MUC12: variants seen among roughly 807,000 people sequenced by gnomAD.
MUC12 encodes the protein mucin-12.
A neutral mutation model predicts 230.8 loss-of-function variants in MUC12; 172 were observed. The ratio of observed to expected loss-of-function variants is 0.75; its 90% confidence interval spans 0.66 to 0.85. The LOEUF is 0.85. MUC12 is among the 40% of genes least tolerant of loss of function. The pLI, the probability that MUC12 is intolerant of heterozygous loss-of-function variation, is 0.00. For synonymous variants in MUC12, 1,259 were observed against 2,401.9 expected (o/e 0.52, Z 13.91); for missense variants, 3,506 against 5,920.6 (o/e 0.59, Z 13.38).
intron 5 of MUC12, among the ~76,000 whole-genome samples, chr7:101,010,688 T>TA (rs1304606358): frequency 6.6e-6 from 1 of 152,100 alleles, no homozygotes; most frequent in African/African-American, 2.4e-5. Flanking sequence ...CTAAATTTTG[T>TA]ATTTTTAGTA....
At chr7:100,983,102 C>CT (rs1047196734) in intron 1 of MUC12, among the ~76,000 whole-genome samples, 9 of 151,640 alleles carry the variant, frequency 5.9e-5, no homozygotes, top group Non-Finnish European at 1.2e-4. Flanking sequence ...ATTATTTATC[C>CT]TTAGAACCTT....
chr7:100,990,353 C>T (rs1447000648), intron 1 of MUC12, among the ~76,000 whole-genome samples: 1 of 152,196 alleles, frequency 6.6e-6, no homozygotes, highest in Non-Finnish European at 1.5e-5. Context: ...ACCATTCCCC[C>T]AATAGCCAAC....
chr7:100,990,531 C>G, intron 1 of MUC12, 100 bp from the exon 2 acceptor site: 3 of 1,389,548 alleles, frequency 2.2e-6, no homozygotes, highest in South Asian at 1.3e-5. Context: ...ATGGGCTGAC[C>G]AGGTGTCTTC....
intron 1 of MUC12, among the ~76,000 whole-genome samples, chr7:100,989,507 C>T (rs776943169): frequency 3.9e-4 from 59 of 151,972 alleles, no homozygotes; most frequent in Non-Finnish European, 5.0e-4. Context: ...ACAAAAGGAA[C>T]GCGTGTGGGG....
At chr7:100,987,989 G>T (rs1289071479) in intron 1 of MUC12, among the ~76,000 whole-genome samples, 3 of 143,486 alleles carry the variant, frequency 2.1e-5, no homozygotes, top group African/African-American at 5.2e-5. Context: ...AAAAAGAAAA[G>T]AAAAGAAAAA....
rs1224122217 is a variant in MUC12, at chr7:100,991,958, G to A, written c.1395G>A (p.Ser465=). Residue 465 remains serine, a synonymous_variant, in exon 2 of 12, where the codon TCG becomes TCA. Coordinates refer to ENST00000536621, the MANE Select transcript of MUC12 (RefSeq NM_001164462.2). ...CACCCTCAGTTCTTGTTGGAGACTCGACGCCCTCACCCATCAGTTCAGGCT... is the reference window on the plus strand; with the variant it reads ...CACCCTCAGTTCTTGTTGGAGACTCAACGCCCTCACCCATCAGTTCAGGCT... The part of the protein sequence containing the change: ...GSTPSVLVGD[S]TPSPISSGSM... 1.9e-5 allele frequency: 29 copies of A among 1,537,782 alleles called. No individual in the cohort carries two copies. In the African/African-American group the frequency reaches 2.1e-4, roughly 11 times the overall value.
chr7:100,971,996 A>C lies in MUC12; in HGVS notation c.67+2307A>C, dbSNP rs1450907984. 1.0e-5 allele frequency: 7 copies of C among 693,988 alleles called. No individual in the cohort carries two copies. The East Asian group carries it at 1.6e-4, about 16-fold the overall frequency. 43.0% of individuals were successfully genotyped at this position (693,988 alleles called of 1,614,324 possible). A position where few individuals can be genotyped will look rare whatever the true frequency, so the allele number is the denominator to read the frequency against. The stretch of plus-strand genomic sequence containing the variant: ...ATCCCTTAGTGTGCAAAACAGTCAG[A>C]AAAACATCTATCTATGGCCAGTGCA... On this transcript the variant is annotated intron_variant, in intron 1 of 11. Transcript: ENST00000536621.
In MUC12 at chr7:101,008,723, C is replaced by T. The variant is rs1176124154; in HGVS notation, c.15148C>T (p.Gln5050Ter). Residue 5050 changes from glutamine to a stop codon, truncating the protein, a stop_gained, in exon 4 of 12, where the codon CAG (glutamine) becomes TAG (stop). Coordinates refer to ENST00000536621, the MANE Select transcript of MUC12 (RefSeq NM_001164462.2). LOFTEE classifies it high-confidence loss of function. ...FTEKMNDASS[Q>*]EYQNFSTLFK... ...AGAAAAGATGAATGACGCATCCTCC[C>T]AGGAATACCAGAACTTCAGTACCCT... 6.5e-7 allele frequency: 1 copy of T among 1,537,234 alleles called. No homozygotes were observed. Among genetic ancestry groups the T allele is most frequent in the Non-Finnish European group, 8.7e-7 (1 of 1,146,924 alleles).
At chr7:100,987,126 G>A (rs1382683676) in intron 1 of MUC12, among the ~76,000 whole-genome samples, 1 of 139,756 alleles carries the variant, frequency 7.2e-6, no homozygotes, top group African/African-American at 2.7e-5. Flanking sequence ...GAGTGCAATG[G>A]TGCAATCTCG....
intron 1 of MUC12, 48 bp from the exon 2 acceptor site, chr7:100,990,583 A>G: frequency 6.5e-7 from 1 of 1,533,866 alleles, no homozygotes; most frequent in South Asian, 1.2e-5. Flanking sequence ...AAACATGAGG[A>G]GACAGTCATA....
At position 101,014,089 on chromosome 7, in the gene MUC12, C is replaced by G; in HGVS notation, c.15800+15C>G. 6.6e-7 allele frequency: 1 copy of G among 1,521,546 alleles called. No individual in the cohort carries two copies. Among genetic ancestry groups the G allele is most frequent in the Non-Finnish European group, 8.8e-7 (1 of 1,137,950 alleles). The allele number at this position is 1,521,546 out of a possible 1,614,324, so 94.3% of individuals were successfully genotyped here. ...AAACGGCACAGGTGAGCTTGTGAGG[C>G]CAGCACCGCAGGCCCACACAGAGGG... On this transcript the variant is annotated intron_variant, in intron 9 of 11. Transcript: ENST00000536621.
chr7:101,007,719 G>A (rs1189008278), intron 3 of MUC12, among the ~76,000 whole-genome samples: 1 of 152,204 alleles, frequency 6.6e-6, no homozygotes, highest in African/African-American at 2.4e-5. Flanking sequence ...GGAGTGCAGA[G>A]ATCTCTTCAA....
In MUC12 at chr7:101,008,736, A is replaced by G; in HGVS notation, c.15161A>G (p.Asn5054Ser). 2 of 1,537,202 alleles carry G rather than the reference A, an allele frequency of 1.3e-6. No homozygotes were observed. Among genetic ancestry groups the G allele is most frequent in the Non-Finnish European group, 1.7e-6 (2 of 1,146,900 alleles). ...MNDASSQEYQ[N>S]FSTLFKNRMD... ...GACGCATCCTCCCAGGAATACCAGA[A>G]CTTCAGTACCCTCTTCAAGAATCGG... Residue 5054 changes from asparagine to serine, a missense_variant, in exon 4 of 12, where the codon AAC (asparagine) becomes AGC (serine). By Grantham distance (46) the Asn-to-Ser change is conservative (BLOSUM62 1). Transcript: ENST00000536621.
rs1414558942 is a variant in MUC12 at position 100,990,874 on chromosome 7, T to C, written c.311T>C (p.Val104Ala). Residue 104 changes from valine to alanine, a missense_variant, in exon 2 of 12, where the codon GTT (valine) becomes GCT (alanine). Coordinates refer to ENST00000536621, the MANE Select transcript of MUC12 (RefSeq NM_001164462.2). ...TLFPSHSATS[V>A]FVGEPKTSPI... ...TTCCCTTCCCACTCTGCAACCTCAG[T>C]TTTTGTTGGAGAACCTAAAACCTCA... is the stretch of plus-strand genomic sequence containing the variant. 7.2e-6 allele frequency: 11 copies of C among 1,537,500 alleles called. No homozygotes were observed. Among genetic ancestry groups the C allele is most frequent in the Non-Finnish European group, 8.7e-6 (10 of 1,146,998 alleles).
Position 100,995,911 on chromosome 7 carries a change from A to C in MUC12, c.5348A>C (p.His1783Pro). The C allele has an allele frequency of 6.1e-6, 8 of 1,321,712 alleles. No individual in the cohort carries two copies. The highest frequency in any genetic ancestry group is 1.3e-5 in the South Asian group (1 of 75,638). The allele number at this position is 1,321,712 out of a possible 1,614,324, so 81.9% of individuals were successfully genotyped here. A position where few individuals can be genotyped will look rare whatever the true frequency, so the allele number is the denominator to read the frequency against. The change falls in exon 2 of 12, where the codon CAC (histidine) becomes CCC (proline). Residue 1783 changes from histidine to proline, a missense_variant. By Grantham distance (77) the His-to-Pro change is moderately conservative (BLOSUM62 -2). Transcript: ENST00000536621. ...HSSPGSTQTM[H>P]FPESSTASGR... Reference sequence around the variant, plus strand: ...AGCCCGGGCTCAACTCAAACAATGCACTTCCCTGAAAGCTCCACAGCTTCA... The same window carrying C: ...AGCCCGGGCTCAACTCAAACAATGCCCTTCCCTGAAAGCTCCACAGCTTCA...
chr7:100,989,490 G>A (rs1793245265), intron 1 of MUC12, among the ~76,000 whole-genome samples: 1 of 152,108 alleles, frequency 6.6e-6, no homozygotes, highest in South Asian at 2.1e-4. Flanking sequence ...AATGCAGAAT[G>A]TGAGGAACAA....
At chr7:100,972,677 G>A (rs1025326100) in intron 1 of MUC12, among the ~76,000 whole-genome samples, 1 of 151,916 alleles carries the variant, frequency 6.6e-6, no homozygotes, top group African/African-American at 2.4e-5. Context: ...TAATTTTTTT[G>A]TGTGTTTTTG....
rs1412476377 is a variant in MUC12, at chr7:101,013,212, C to A, written c.15638+70C>A. The A allele has an allele frequency of 4.0e-6, 6 of 1,505,224 alleles. No homozygotes were observed. In the African/African-American group the frequency reaches 8.3e-5, roughly 21 times the overall value. 93.2% of individuals were successfully genotyped at this position (1,505,224 alleles called of 1,614,324 possible). ...GGGCCCTCCCCCTCCCCAGCAGTCACCCACAGGGTTGGGGGATTGAGTAGA... is the reference window on the plus strand; with the variant it reads ...GGGCCCTCCCCCTCCCCAGCAGTCAACCACAGGGTTGGGGGATTGAGTAGA... On this transcript the variant is annotated intron_variant, in intron 8 of 11. Coordinates refer to ENST00000536621, the MANE Select transcript of MUC12 (RefSeq NM_001164462.2).
At chr7:101,013,888 A>G (rs1226233249) in intron 8 of MUC12, 25 bp from the exon 9 acceptor site, 1 of 1,521,474 alleles carries the variant, frequency 6.6e-7, no homozygotes, top group Non-Finnish European at 8.8e-7. Flanking sequence ...CCAGGGGATC[A>G]GCGTGAGCTT....
Sources: allele counts gnomAD v4.1 joint callset (sites outside exome capture counted in the v4.1 genomes callset), GRCh38; gene constraint gnomAD v4.1.1; transcripts MANE v1.5; gene names NCBI Gene and HGNC (gene_info 2026-07-23, HGNC 2026-07-21).